Variants in HOMER1 observed in about 807,000 individuals in gnomAD.
The protein encoded by HOMER1 is homer protein homolog 1.
A neutral mutation model predicts 48.9 loss-of-function variants in HOMER1; 3 were observed. That is an observed-to-expected ratio of 0.06 (90% CI 0.03 to 0.16). HOMER1 has a LOEUF of 0.16. Among genes scored for constraint, HOMER1 ranks in the 10% least tolerant of loss-of-function variants. The probability of loss-of-function intolerance (pLI) is 1.00; values close to 1 mark genes in which losing one functional copy is unlikely to be tolerated. For missense variants in HOMER1, 247 were observed against 411.4 expected, an observed-to-expected ratio of 0.60 and a Z score of 3.46; for synonymous variants, 134 against 146.4, an observed-to-expected ratio of 0.92 and a Z score of 0.61.
rs73769645 is a variant in HOMER1 at position 79,381,374 on chromosome 5, T to C, written c.877-5177A>G. ...AGAATCTTCCCCTATGAAAGCAAAT[T>C]TTAAAAGTTGGCAGAAGTGACTGTT... On this transcript the variant is annotated intron_variant, in intron 8 of 8. Coordinates refer to ENST00000334082, the MANE Select transcript of HOMER1 (RefSeq NM_004272.5). 7.4e-3 allele frequency among the ~76,000 whole-genome samples: 1,120 copies of C among 152,240 alleles called. 10 individuals are homozygous for C. The highest frequency in any genetic ancestry group is 0.026 in the African/African-American group (1,080 of 41,544).
intron 5 of HOMER1, among the ~76,000 whole-genome samples, chr5:79,437,374 A>C (rs1750613209): frequency 6.6e-6 from 1 of 152,210 alleles, no homozygotes; most frequent in Admixed American, 6.5e-5. Flanking sequence ...CCTTTCCTCA[A>C]CATAGTAAAA....
At chr5:79,417,844 G>T (rs776864666) in intron 5 of HOMER1, among the ~76,000 whole-genome samples, 1 of 152,042 alleles carries the variant, frequency 6.6e-6, no homozygotes, top group Non-Finnish European at 1.5e-5. Context: ...TAATTTAAAC[G>T]ATAAAAATCT....
At chr5:79,400,471 C>T (rs1335288335) in intron 6 of HOMER1, among the ~76,000 whole-genome samples, 3 of 151,424 alleles carry the variant, frequency 2.0e-5, no homozygotes, top group Non-Finnish European at 4.4e-5. Flanking sequence ...ATGTTCCCAC[C>T]TCAGCCTCCT....
intron 1 of HOMER1, among the ~76,000 whole-genome samples, chr5:79,503,670 G>A (rs141085827): frequency 0.11 from 16,066 of 149,296 alleles, 981 homozygotes; most frequent in Admixed American, 0.2. Flanking sequence ...GCAAAACCCC[G>A]TCTCTATTAA....
intron 1 of HOMER1, among the ~76,000 whole-genome samples, chr5:79,479,290 C>A (rs1299133268): frequency 5.9e-5 from 9 of 152,112 alleles, no homozygotes. Context: ...GAAACCTAGA[C>A]CTAGAACCTG....
At chr5:79,402,658 C>G (rs1397437671) in intron 5 of HOMER1, among the ~76,000 whole-genome samples, 1 of 152,102 alleles carries the variant, frequency 6.6e-6, no homozygotes, top group Non-Finnish European at 1.5e-5. Context: ...CACCCATTCT[C>G]TTTTAAGGAA....
chr5:79,412,194 A>G (rs1749830662), intron 5 of HOMER1, among the ~76,000 whole-genome samples: 1 of 152,202 alleles, frequency 6.6e-6, no homozygotes, highest in African/African-American at 2.4e-5. Context: ...TATTCTCTGT[A>G]TCAGTAGTGG....
intron 1 of HOMER1, among the ~76,000 whole-genome samples, chr5:79,457,450 T>A (rs1751204385): frequency 6.6e-6 from 1 of 152,234 alleles, no homozygotes; most frequent in Admixed American, 6.5e-5. Context: ...TTTAGCACCA[T>A]GTTTTACACA....
intron 1 of HOMER1, among the ~76,000 whole-genome samples, chr5:79,473,057 A>G (rs1040105430): frequency 6.6e-6 from 1 of 152,236 alleles, no homozygotes; most frequent in African/African-American, 2.4e-5. Context: ...GATCCCATAA[A>G]TATCAACTTT....
chr5:79,458,104 T>A (rs1004044212), intron 1 of HOMER1, among the ~76,000 whole-genome samples: 1 of 152,148 alleles, frequency 6.6e-6, no homozygotes, highest in Non-Finnish European at 1.5e-5. Context: ...CTTAAAGATA[T>A]AGATTTTTAA....
Position 79,375,443 on chromosome 5 carries a change from T to C in HOMER1, c.*566A>G, listed in dbSNP as rs970907004. 6.6e-6 allele frequency: 1 copy of C among 151,968 alleles called. No individual in the cohort carries two copies. Among genetic ancestry groups the C allele is most frequent in the Non-Finnish European group, 1.5e-5 (1 of 67,936 alleles). The allele number at this position is 151,968 out of a possible 1,614,324, so 9.4% of individuals were successfully genotyped here. Reference sequence around the variant, plus strand: ...AAAGGGAAGAACTCTATACACCCAGTTATAGTATATTTCAATTAAAGATAC... The same window carrying C: ...AAAGGGAAGAACTCTATACACCCAGCTATAGTATATTTCAATTAAAGATAC... On this transcript the variant is annotated 3_prime_UTR_variant, in exon 9 of 9. Transcript: ENST00000334082.
chr5:79,448,559 G>A (rs1039555583), intron 3 of HOMER1, among the ~76,000 whole-genome samples: 2 of 151,904 alleles, frequency 1.3e-5, no homozygotes, highest in African/African-American at 4.8e-5. Context: ...TTTTTTCAAC[G>A]ATGGTACTTT....
chr5:79,402,140 G>T (rs1263672440), intron 5 of HOMER1, 85 bp from the exon 6 acceptor site: 1 of 1,113,516 alleles, frequency 9.0e-7, no homozygotes, highest in Non-Finnish European at 1.3e-6. Context: ...TCTATTGTAG[G>T]GTTTATAGTC....
intron 5 of HOMER1, among the ~76,000 whole-genome samples, chr5:79,433,595 A>G (rs1304106960): frequency 1.3e-5 from 2 of 152,102 alleles, no homozygotes; most frequent in African/African-American, 4.8e-5. Flanking sequence ...AAAAAAGATT[A>G]AGCACTTCCT....
At chr5:79,417,378 G>A (rs1026338174) in intron 5 of HOMER1, among the ~76,000 whole-genome samples, 3 of 152,086 alleles carry the variant, frequency 2.0e-5, no homozygotes, top group Non-Finnish European at 4.4e-5. Flanking sequence ...TCCTGACCTC[G>A]TGATCCGCCC....
At chr5:79,436,476 A>G (rs545657619) in intron 5 of HOMER1, among the ~76,000 whole-genome samples, 1 of 152,316 alleles carries the variant, frequency 6.6e-6, no homozygotes, top group African/African-American at 2.4e-5. Context: ...TACGCAACTC[A>G]CCTAACCTCT....
intron 1 of HOMER1, among the ~76,000 whole-genome samples, chr5:79,477,833 G>A (rs186773624): frequency 2.0e-5 from 3 of 151,500 alleles, no homozygotes; most frequent in Non-Finnish European, 4.4e-5. Flanking sequence ...GCCAGGAGTT[G>A]TAAGTATGCT....
At chr5:79,441,825 C>T (rs1234992694) in intron 4 of HOMER1, among the ~76,000 whole-genome samples, 2 of 152,030 alleles carry the variant, frequency 1.3e-5, no homozygotes, top group Admixed American at 6.5e-5. Context: ...AAGTATTCTG[C>T]AAAACCTTCC....
intron 4 of HOMER1, among the ~76,000 whole-genome samples, chr5:79,445,441 T>C (rs897750569): frequency 6.6e-6 from 1 of 152,204 alleles, no homozygotes; most frequent in Non-Finnish European, 1.5e-5. Context: ...ATTATAAAAG[T>C]ACCAAAATGT....
Sources: gnomAD v4.1 joint callset for allele counts (sites outside exome capture counted in the v4.1 genomes callset) on GRCh38, gnomAD v4.1.1 for gene constraint, MANE v1.5 for transcripts, NCBI Gene and HGNC (gene_info 2026-07-23, HGNC 2026-07-21) for gene names.